PPP2R5C: variants seen among roughly 807,000 people sequenced by gnomAD.
PPP2R5C encodes the protein protein phosphatase 2 regulatory subunit B'gamma, also known as serine/threonine-protein phosphatase 2A 56 kDa regulatory subunit gamma isoform.
A neutral mutation model predicts 68.9 loss-of-function variants in PPP2R5C; 7 were observed. The ratio of observed to expected loss-of-function variants is 0.10; its 90% CI spans 0.06 to 0.19. PPP2R5C has a LOEUF of 0.19. Among genes scored for constraint, PPP2R5C ranks in the 10% least tolerant of loss-of-function variants. The pLI is 1.00. For synonymous variants in PPP2R5C, 210 were observed against 222.2 expected, an observed-to-expected ratio of 0.95 and a Z score of 0.49; for missense variants, 348 against 641.3, an observed-to-expected ratio of 0.54 and a Z score of 4.94.
chr14:101,791,373 G>A (rs2038357702), intron 3 of PPP2R5C, among the ~76,000 whole-genome samples: 1 of 151,982 alleles, frequency 6.6e-6, no homozygotes, highest in South Asian at 2.1e-4. Context: ...TAAGTTGGTT[G>A]TCTTCTTCTT....
chr14:101,885,026 A>C (rs532499759), intron 5 of PPP2R5C, among the ~76,000 whole-genome samples: 1 of 151,820 alleles, frequency 6.6e-6, no homozygotes, highest in East Asian at 1.9e-4. Flanking sequence ...AAGGCATCTG[A>C]CTCCAGGATG....
At chr14:101,927,896 T>G (rs1173010182) in exon 14 of PPP2R5C, 1 of 152,276 alleles carries the variant, frequency 6.6e-6, no homozygotes, top group Non-Finnish European at 1.5e-5. Context: ...CACTTGCCAT[T>G]TAATATGCTC....
chr14:101,910,561 G>A (rs1201079070), intron 11 of PPP2R5C, among the ~76,000 whole-genome samples: 1 of 152,216 alleles, frequency 6.6e-6, no homozygotes, highest in African/African-American at 2.4e-5. Flanking sequence ...GGCCGGGTGC[G>A]GTGGCTCACG....
At chr14:101,892,903 G>A in intron 6 of PPP2R5C, 97 bp from the exon 9 acceptor site, 1 of 894,768 alleles carries the variant, frequency 1.1e-6, no homozygotes, top group Non-Finnish European at 1.7e-6. Flanking sequence ...TGCCTGCTGG[G>A]TTTTGATGGT....
At chr14:101,842,678 C>T (rs2041555045) in intron 1 of PPP2R5C, among the ~76,000 whole-genome samples, 4 of 151,926 alleles carry the variant, frequency 2.6e-5, no homozygotes, top group East Asian at 3.9e-4. Flanking sequence ...GCAGCGTGGC[C>T]GTGGTGCCTG....
At chr14:101,810,763 T>G (rs550667010) in intron 1 of PPP2R5C, among the ~76,000 whole-genome samples, 124 of 152,364 alleles carry the variant, frequency 8.1e-4, no homozygotes, top group African/African-American at 2.8e-3. Flanking sequence ...GTTTGCTTCT[T>G]TTTATGCATA....
At chr14:101,811,434 G>A (rs956252566) in intron 1 of PPP2R5C, among the ~76,000 whole-genome samples, 1 of 152,102 alleles carries the variant, frequency 6.6e-6, no homozygotes, top group East Asian at 1.9e-4. Flanking sequence ...TCCACCTCCC[G>A]AGCTCAGGTG....
intron 2 of PPP2R5C, among the ~76,000 whole-genome samples, chr14:101,869,453 A>G (rs1299387715): frequency 6.6e-6 from 1 of 152,130 alleles, no homozygotes; most frequent in Non-Finnish European, 1.5e-5. Context: ...ATAGGGATGC[A>G]ATCGCTAGGT....
chr14:101,865,185 T>C (rs942791709), intron 2 of PPP2R5C, among the ~76,000 whole-genome samples: 9 of 152,116 alleles, frequency 5.9e-5, no homozygotes, highest in African/African-American at 1.9e-4. Flanking sequence ...TAGAGCTCTT[T>C]GGGTTAACGG....
chr14:101,858,001 T>C (rs1177024667), intron 2 of PPP2R5C, among the ~76,000 whole-genome samples: 1 of 152,224 alleles, frequency 6.6e-6, no homozygotes, highest in African/African-American at 2.4e-5. Flanking sequence ...TCAACTTGAT[T>C]GTTTTAACTT....
rs533466858 is a variant in PPP2R5C at position 101,854,041 on chromosome 14, G to A, written c.95-2645G>A. The stretch of plus-strand genomic sequence containing the variant: ...ATGAGAATTGAAGGCAAGCAAAGAG[G>A]TAATTCCAAAAATGAACGTTTTTCA... On this transcript the variant is annotated intron_variant, in intron 1 of 13. Transcript: ENST00000334743. 1.5e-4 allele frequency among the ~76,000 whole-genome samples: 23 copies of A among 152,236 alleles called. No individual in the cohort carries two copies. The South Asian group carries it at 4.6e-3, about 30-fold the overall frequency.
chr14:101,761,489 C>T (rs2036522589), upstream of PPP2R5C, among the ~76,000 whole-genome samples: 1 of 132,988 alleles, frequency 7.5e-6, no homozygotes, highest in Non-Finnish European at 1.6e-5. Context: ...ACGGGTCGCG[C>T]GGAGAGGGTG....
intron 1 of PPP2R5C, among the ~76,000 whole-genome samples, chr14:101,846,957 G>C (rs533684845): frequency 6.6e-6 from 1 of 152,334 alleles, no homozygotes; most frequent in South Asian, 2.1e-4. Flanking sequence ...TTCCACAGAA[G>C]AGAAATGCCT....
chr14:101,878,245 C>G (rs982936008), intron 2 of PPP2R5C, among the ~76,000 whole-genome samples: 8 of 152,196 alleles, frequency 5.3e-5, no homozygotes, highest in Non-Finnish European at 1.5e-5. Context: ...CAAATCCAGC[C>G]ACACCAGGGT....
At chr14:101,869,253 A>G (rs1385616236) in intron 2 of PPP2R5C, among the ~76,000 whole-genome samples, 1 of 152,222 alleles carries the variant, frequency 6.6e-6, no homozygotes, top group Non-Finnish European at 1.5e-5. Context: ...ACATTCGTCC[A>G]TGTTGTCACA....
intron 3 of PPP2R5C, among the ~76,000 whole-genome samples, chr14:101,790,809 C>G (rs577205821): frequency 1.3e-5 from 2 of 152,118 alleles, no homozygotes; most frequent in Non-Finnish European, 2.9e-5. Flanking sequence ...GGCTGGGCAC[C>G]GTGGCTCACG....
At chr14:101,925,401 A>G in exon 14 of PPP2R5C, 1 of 1,404,352 alleles carries the variant, frequency 7.1e-7, no homozygotes. Flanking sequence ...GTAGGCAATA[A>G]CGTGCGTCCG....
chr14:101,859,177 C>T (rs1184647055), intron 2 of PPP2R5C, among the ~76,000 whole-genome samples: 2 of 152,208 alleles, frequency 1.3e-5, no homozygotes, highest in African/African-American at 4.8e-5. Flanking sequence ...CTTCTGCCCT[C>T]CTAAAGCTTT....
chr14:101,815,967 G>T (rs1326301921), intron 1 of PPP2R5C, among the ~76,000 whole-genome samples: 1 of 152,228 alleles, frequency 6.6e-6, no homozygotes, highest in African/African-American at 2.4e-5. Flanking sequence ...ACCACACCCG[G>T]CCTATCTGAT....
Sources: gnomAD v4.1 joint callset for allele counts (sites outside exome capture counted in the v4.1 genomes callset) on GRCh38, gnomAD v4.1.1 for gene constraint, MANE v1.5 for transcripts, NCBI Gene and HGNC (gene_info 2026-07-23, HGNC 2026-07-21) for gene names.